NDUFAF2: variants seen among roughly 807,000 people sequenced by gnomAD.
The protein encoded by NDUFAF2 is NADH dehydrogenase [ubiquinone] 1 alpha subcomplex assembly factor 2.
NDUFAF2 carries 13 observed loss-of-function variants against 22.8 expected under a neutral mutation model. The observed-to-expected ratio is 0.57, with a 90% confidence interval of 0.37 to 0.91. NDUFAF2 has a LOEUF of 0.91. NDUFAF2 is among the 40% of genes least tolerant of loss of function. NDUFAF2 has a pLI of 0.01. For synonymous variants in NDUFAF2, 53 were observed against 64.2 expected, an observed-to-expected ratio of 0.83 and a Z score of 0.84; for missense variants, 162 against 195.2, an observed-to-expected ratio of 0.83 and a Z score of 1.01.
chr5:61,104,583 A>G (rs921528822), intron 3 of NDUFAF2, among the ~76,000 whole-genome samples: 19 of 152,096 alleles, frequency 1.2e-4, no homozygotes, highest in African/African-American at 4.6e-4. Flanking sequence ...ATAGGACAAC[A>G]CATCATAGTA....
chr5:60,975,879 G>T (rs985415823), intron 1 of NDUFAF2, among the ~76,000 whole-genome samples: 1 of 152,186 alleles, frequency 6.6e-6, no homozygotes, highest in Non-Finnish European at 1.5e-5. Context: ...TTAGAATTAA[G>T]AATTGGATTT....
chr5:61,057,685 A>G (rs1752116426), intron 1 of NDUFAF2, among the ~76,000 whole-genome samples: 1 of 152,162 alleles, frequency 6.6e-6, no homozygotes, highest in Non-Finnish European at 1.5e-5. Flanking sequence ...TTGAACCTCT[A>G]AAGAGGATAT....
chr5:60,973,281 G>T (rs1346896218), intron 1 of NDUFAF2, among the ~76,000 whole-genome samples: 1 of 152,070 alleles, frequency 6.6e-6, no homozygotes, highest in Non-Finnish European at 1.5e-5. Context: ...CATGTCTGTA[G>T]TCTTGAATCT....
At chr5:60,989,150 A>T (rs527850564) in intron 1 of NDUFAF2, among the ~76,000 whole-genome samples, 2 of 152,368 alleles carry the variant, frequency 1.3e-5, no homozygotes, top group African/African-American at 4.8e-5. Context: ...GCCAACAAGC[A>T]TATGAAAAAA....
intron 1 of NDUFAF2, among the ~76,000 whole-genome samples, chr5:60,982,173 G>T (rs544429206): frequency 6.6e-6 from 1 of 152,082 alleles, no homozygotes; most frequent in South Asian, 2.1e-4. Flanking sequence ...AGGTACTCAC[G>T]ATCACTGATT....
intron 3 of NDUFAF2, among the ~76,000 whole-genome samples, chr5:61,139,884 A>G (rs1476303851): frequency 1.3e-5 from 2 of 152,210 alleles, no homozygotes; most frequent in Admixed American, 1.3e-4. Flanking sequence ...TTCTGAGCCC[A>G]TAAAAGGCTC....
At chr5:61,055,691 T>TA (rs1215466021) in intron 1 of NDUFAF2, among the ~76,000 whole-genome samples, 1 of 152,112 alleles carries the variant, frequency 6.6e-6, no homozygotes, top group Non-Finnish European at 1.5e-5. Context: ...CAAGTGGTTG[T>TA]AAAATGGGTT....
intron 1 of NDUFAF2, among the ~76,000 whole-genome samples, chr5:60,973,102 C>T (rs1161210078): frequency 6.6e-6 from 1 of 152,064 alleles, no homozygotes. Context: ...TTGTCTTGCA[C>T]TCTGATCCTT....
intron 2 of NDUFAF2, among the ~76,000 whole-genome samples, chr5:61,095,192 C>T (rs945067415): frequency 1.3e-5 from 2 of 152,152 alleles, no homozygotes; most frequent in Non-Finnish European, 2.9e-5. Flanking sequence ...GTGGGGAGCT[C>T]CTGCCCGGGG....
chr5:61,092,710 T>C (rs1024736601), intron 2 of NDUFAF2, among the ~76,000 whole-genome samples: 3 of 152,152 alleles, frequency 2.0e-5, no homozygotes, highest in Non-Finnish European at 4.4e-5. Context: ...TTTTTTTCTC[T>C]TGCCTGATTT....
At chr5:60,971,638 G>C (rs1404304545) in intron 1 of NDUFAF2, among the ~76,000 whole-genome samples, 1 of 132,796 alleles carries the variant, frequency 7.5e-6, no homozygotes, top group Non-Finnish European at 1.6e-5. Flanking sequence ...ACAGGCCCCG[G>C]TGTGTGGTGT....
chr5:61,052,788 G>A (rs956813491), intron 1 of NDUFAF2, among the ~76,000 whole-genome samples: 8 of 152,170 alleles, frequency 5.3e-5, no homozygotes, highest in Non-Finnish European at 1.0e-4. Flanking sequence ...TATTTCACCA[G>A]GTTTTTAATT....
intron 1 of NDUFAF2, among the ~76,000 whole-genome samples, chr5:61,031,796 G>C (rs752310166): frequency 2.7e-4 from 41 of 152,104 alleles, no homozygotes; most frequent in Admixed American, 9.2e-4. Flanking sequence ...TTGAGGAATT[G>C]CCACACTGTC....
At chr5:61,068,505 C>T (rs371685298) in intron 1 of NDUFAF2, among the ~76,000 whole-genome samples, 8 of 151,974 alleles carry the variant, frequency 5.3e-5, no homozygotes, top group South Asian at 2.1e-4. Context: ...TAAATACATG[C>T]GCACATGTAT....
chr5:61,074,495 G>T (rs1365581410), intron 2 of NDUFAF2, among the ~76,000 whole-genome samples: 1 of 152,200 alleles, frequency 6.6e-6, no homozygotes, highest in African/African-American at 2.4e-5. Flanking sequence ...GCTGAGGCAG[G>T]AGAATCACTT....
rs77274523 is a variant in NDUFAF2, at chr5:61,104,082, A to T, written c.258+5050A>T. Among the ~76,000 whole-genome samples the T allele has an allele frequency of 7.9e-3, 1,197 of 152,166 alleles. 15 individuals carry two copies. The highest frequency in any genetic ancestry group is 0.027 in the African/African-American group (1,122 of 41,528). On this transcript the variant is annotated intron_variant, in intron 3 of 3. Transcript: ENST00000296597. ...TTGGTAGGTTAAGTGTATCAAATGCATTTTGACTTAAGATATTTTCAATTT... is the reference window on the plus strand; with the variant it reads ...TTGGTAGGTTAAGTGTATCAAATGCTTTTTGACTTAAGATATTTTCAATTT...
In NDUFAF2 at chr5:60,946,721, A is replaced by G. The variant is rs4647025; in HGVS notation, c.127+1339A>G. Among the ~76,000 whole-genome samples the G allele has an allele frequency of 2.1e-4, 32 of 152,318 alleles. No homozygotes were observed. The East Asian group carries it at 2.3e-3, about 11-fold the overall frequency. On this transcript the variant is annotated intron_variant, in intron 1 of 3. Transcript: ENST00000296597. Reference sequence around the variant, plus strand: ...GTGTACAGTTTTATTGTTTTTGACAAATGAGTAGAGTAACCTCACTGGATT... The same window carrying G: ...GTGTACAGTTTTATTGTTTTTGACAGATGAGTAGAGTAACCTCACTGGATT...
intron 1 of NDUFAF2, among the ~76,000 whole-genome samples, chr5:60,952,835 C>T (rs907649314): frequency 9.9e-5 from 15 of 152,016 alleles, no homozygotes; most frequent in Admixed American, 2.6e-4. Context: ...CTTTCCAGTT[C>T]TATCAGTTTT....
intron 3 of NDUFAF2, among the ~76,000 whole-genome samples, chr5:61,136,017 A>ATATATATATATATATATATATATC (rs1740928009): frequency 3.4e-5 from 1 of 29,592 alleles, no homozygotes; most frequent in African/African-American, 7.4e-5. Flanking sequence ...ATATATATAT[A>ATATATATATATATATATATATATC]TATATATATA....
Sources: allele counts gnomAD v4.1 joint callset (sites outside exome capture counted in the v4.1 genomes callset), GRCh38; gene constraint gnomAD v4.1.1; transcripts MANE v1.5; gene names NCBI Gene and HGNC (gene_info 2026-07-23, HGNC 2026-07-21).